The following ROS1 variants were observed in gnomAD, a reference collection of about 807,000 sequenced individuals.
ROS1 encodes proto-oncogene tyrosine-protein kinase ROS.
In ROS1, 263 loss-of-function variants were observed where a neutral mutation model predicts 273.5. The ratio of observed to expected loss-of-function variants is 0.96; its 90% CI spans 0.87 to 1.06. ROS1 has a LOEUF of 1.06. Ranked by LOEUF, ROS1 falls within the 50% of genes least tolerant of loss-of-function variation. The pLI is 0.00. For synonymous variants in ROS1, 1,008 were observed against 954.1 expected (o/e 1.06, Z -1.04); for missense variants, 2,833 against 2,751.1 (o/e 1.03, Z -0.67).
chr6:117,391,813 C>T (rs906062329), intron 12 of ROS1, among the ~76,000 whole-genome samples: 3 of 152,104 alleles, frequency 2.0e-5, no homozygotes, highest in Non-Finnish European at 4.4e-5. Flanking sequence ...ACGGAATCAA[C>T]CCGTGTTTCC....
chr6:117,299,256 C>A (rs1774492964), intron 43 of ROS1: 1 of 152,162 alleles, frequency 6.6e-6, no homozygotes, highest in Non-Finnish European at 1.5e-5. Flanking sequence ...ATAATGGATC[C>A]AAAGTCACCC....
chr6:117,392,195 A>C (rs961847816), intron 12 of ROS1, among the ~76,000 whole-genome samples: 1 of 152,240 alleles, frequency 6.6e-6, no homozygotes, highest in Non-Finnish European at 1.5e-5. Flanking sequence ...AGCATTAAAT[A>C]TTCCATAATT....
intron 27 of ROS1, 108 bp from the exon 28 acceptor site, chr6:117,344,370 C>A: frequency 1.4e-6 from 1 of 720,086 alleles, no homozygotes. Flanking sequence ...ATTTGTAGAG[C>A]ATACATAACT....
chr6:117,292,843 G>A (rs1225157442), intron 43 of ROS1, among the ~76,000 whole-genome samples: 2 of 152,040 alleles, frequency 1.3e-5, no homozygotes, highest in Admixed American at 1.3e-4. Flanking sequence ...CTACCTCTGT[G>A]GTAACTCCGG....
At chr6:117,372,938 G>C (rs1780953784) in intron 18 of ROS1, among the ~76,000 whole-genome samples, 3 of 152,198 alleles carry the variant, frequency 2.0e-5, no homozygotes, top group Admixed American at 2.0e-4. Context: ...ACAGAGAGCT[G>C]ATTGGTCCAT....
At chr6:117,329,754 C>T (rs1776931804) in intron 32 of ROS1, among the ~76,000 whole-genome samples, 1 of 152,056 alleles carries the variant, frequency 6.6e-6, no homozygotes, top group Non-Finnish European at 1.5e-5. Flanking sequence ...GGAAGGGGAA[C>T]CCCCTCCCCT....
intron 42 of ROS1, among the ~76,000 whole-genome samples, chr6:117,307,605 C>G (rs1406295421): frequency 6.6e-6 from 1 of 151,952 alleles, no homozygotes; most frequent in African/African-American, 2.4e-5. Context: ...TTTTTATGCA[C>G]TACTATCAAA....
intron 31 of ROS1, 112 bp downstream of exon 31, chr6:117,341,023 G>T (rs1210848939): frequency 2.9e-6 from 2 of 690,182 alleles, no homozygotes; most frequent in African/African-American, 3.6e-5. Context: ...ATAAATCAAT[G>T]AAAGTTGTCA....
chr6:117,298,664 C>G (rs1774442512), intron 43 of ROS1, among the ~76,000 whole-genome samples: 1 of 152,124 alleles, frequency 6.6e-6, no homozygotes, highest in African/African-American at 2.4e-5. Flanking sequence ...AGTCTTATGA[C>G]AAGGACAACT....
chr6:117,368,594 G>C (rs1212719317), intron 18 of ROS1, among the ~76,000 whole-genome samples: 2 of 152,126 alleles, frequency 1.3e-5, no homozygotes, highest in Non-Finnish European at 2.9e-5. Flanking sequence ...AATGTGGTTA[G>C]TATGACCGAG....
chr6:117,376,376 A>G (rs1017205152), intron 18 of ROS1, among the ~76,000 whole-genome samples: 24 of 152,142 alleles, frequency 1.6e-4, no homozygotes, highest in Non-Finnish European at 2.9e-4. Flanking sequence ...TTTTCCACAA[A>G]GAAAACTCCA....
Position 117,311,039 on chromosome 6 carries a change from G to T in ROS1, c.6196C>A (p.Arg2066=), listed in dbSNP as rs139881304. ...DISKGCVYLE[R]MHFIHRDLAA... is the part of the protein sequence containing the mutation. ...TTGTACCTGTGAATGAAATGCATCC[G>T]TTCCAAGTAGACACAGCCTTTTGAA... The change falls in exon 40 of 44, where the codon CGG becomes AGG. Residue 2066 remains arginine (R), a synonymous_variant. Transcript: ENST00000368507. 1.9e-6 allele frequency: 3 copies of T among 1,608,428 alleles called. No homozygotes were observed. Among genetic ancestry groups the T allele is most frequent in the Admixed American group, 3.4e-5 (2 of 59,474 alleles).
intron 5 of ROS1, among the ~76,000 whole-genome samples, chr6:117,408,176 C>A (rs2128732314): frequency 6.6e-6 from 1 of 151,906 alleles, no homozygotes; most frequent in South Asian, 2.1e-4. Flanking sequence ...GTCTAAAACT[C>A]CAAAAGCAAT....
chr6:117,320,801 T>A (rs1206895153), intron 36 of ROS1, among the ~76,000 whole-genome samples: 1 of 152,160 alleles, frequency 6.6e-6, no homozygotes, highest in African/African-American at 2.4e-5. Flanking sequence ...TTTTCCTTAA[T>A]TATGACGGCA....
At chr6:117,320,663 T>C (rs149478459) in intron 36 of ROS1, among the ~76,000 whole-genome samples, 1 of 152,306 alleles carries the variant, frequency 6.6e-6, no homozygotes, top group Non-Finnish European at 1.5e-5. Context: ...AGATCACCTT[T>C]GTGTCTACTT....
In ROS1 at chr6:117,318,218, A is replaced by C. The variant is rs150992008; in HGVS notation, c.5957T>G (p.Ile1986Ser). The change falls in exon 38 of 44, where the codon ATT becomes AGT. Residue 1986 changes from isoleucine (I) to serine (S), a missense_variant. Transcript: ENST00000368507. ...LKKGSTDQEK[I>S]EFLKEAHLMS... ...CAGATGTGCCTCCTTCAGGAATTCA[A>C]TCTTCTCCTGGTCTGTGGAACCCTT... 2 of 1,612,866 alleles carry C rather than the reference A, an allele frequency of 1.2e-6. No homozygotes were observed. The highest frequency in any genetic ancestry group is 1.7e-6 in the Non-Finnish European group (2 of 1,179,328).
At chr6:117,384,376 C>A (rs1201368090) in intron 16 of ROS1, among the ~76,000 whole-genome samples, 1 of 152,140 alleles carries the variant, frequency 6.6e-6, no homozygotes, top group Non-Finnish European at 1.5e-5. Flanking sequence ...TCTCTGAATT[C>A]TACACAATAA....
intron 42 of ROS1, among the ~76,000 whole-genome samples, chr6:117,306,038 T>G (rs1335456711): frequency 6.6e-6 from 1 of 151,604 alleles, no homozygotes; most frequent in Non-Finnish European, 1.5e-5. Context: ...AAGTTTTTTT[T>G]TTTTTTTTTT....
At chr6:117,314,782 T>A (rs186789266) in intron 39 of ROS1, among the ~76,000 whole-genome samples, 2 of 152,140 alleles carry the variant, frequency 1.3e-5, no homozygotes, top group African/African-American at 4.8e-5. Flanking sequence ...TAAACTGGCA[T>A]ATGTCAGGGA....
Sources: allele counts gnomAD v4.1 joint callset (sites outside exome capture counted in the v4.1 genomes callset), GRCh38; gene constraint gnomAD v4.1.1; transcripts MANE v1.5; gene names NCBI Gene and HGNC (gene_info 2026-07-23, HGNC 2026-07-21).